SLC7A6: variants seen among roughly 807,000 people sequenced by gnomAD.
SLC7A6 encodes the protein solute carrier family 7 member 6.
SLC7A6 carries 29 observed loss-of-function variants against 46.6 expected under a neutral mutation model. The ratio of observed to expected loss-of-function variants is 0.62; its 90% CI spans 0.46 to 0.85. The LOEUF is 0.85. Ranked by LOEUF, SLC7A6 falls within the 40% of genes least tolerant of loss-of-function variation. SLC7A6 has a pLI of 0.00. For missense variants in SLC7A6, 527 were observed against 647.6 expected, an observed-to-expected ratio of 0.81 and a Z score of 2.02; for synonymous variants, 276 against 257.3, an observed-to-expected ratio of 1.07 and a Z score of -0.70.
chr16:68,276,942 C>T (rs956587514), intron 3 of SLC7A6, among the ~76,000 whole-genome samples: 3 of 151,770 alleles, frequency 2.0e-5, no homozygotes, highest in Non-Finnish European at 2.9e-5. Context: ...CTGCAGTGAG[C>T]TATGATCACG....
chr16:68,272,091 C>T (rs1178114022), intron 2 of SLC7A6, among the ~76,000 whole-genome samples: 1 of 152,200 alleles, frequency 6.6e-6, no homozygotes, highest in African/African-American at 2.4e-5. Context: ...GCGTGAGCCA[C>T]TGCGCCCAGC....
intron 7 of SLC7A6, 104 bp downstream of exon 7, chr16:68,291,765 GT>G: frequency 7.1e-5 from 38 of 531,524 alleles, no homozygotes; most frequent in Middle Eastern, 3.9e-4. Flanking sequence ...CATATAGGGT[GT>G]GTGTGTGTGT....
intron 8 of SLC7A6, 179 bp downstream of exon 8, chr16:68,294,980 A>G (rs1265596594): frequency 7.4e-6 from 4 of 540,966 alleles, no homozygotes; most frequent in Non-Finnish European, 1.3e-5. Context: ...TTTTGGATTA[A>G]TCTGGAATTT....
chr16:68,274,279 C>T (rs1386132915), intron 2 of SLC7A6, among the ~76,000 whole-genome samples: 1 of 152,154 alleles, frequency 6.6e-6, no homozygotes, highest in Non-Finnish European at 1.5e-5. Context: ...CAGTGAGAAG[C>T]CTTTTAGGCT....
chr16:68,275,743 G>C (rs1405569787), intron 3 of SLC7A6, among the ~76,000 whole-genome samples: 1 of 152,102 alleles, frequency 6.6e-6, no homozygotes, highest in South Asian at 2.1e-4. Context: ...ATGGGGATGG[G>C]AGAAGTTTGA....
rs563393758 is a variant in SLC7A6 at position 68,282,416 on chromosome 16, T to C, written c.524-5330T>C. Among the ~76,000 whole-genome samples, 38 of 151,504 alleles carry C rather than the reference T, an allele frequency of 2.5e-4. 1 individual carries two copies. The South Asian group carries it at 4.2e-3, about 17-fold the overall frequency. On this transcript the variant is annotated intron_variant, in intron 3 of 10. Coordinates refer to ENST00000219343, the MANE Select transcript of SLC7A6 (RefSeq NM_003983.6). ...AGAACTCGTCTCTTAAAAAACAAAATAAAACAAAAAACCACAAAAAAACAA... is the reference window on the plus strand; with the variant it reads ...AGAACTCGTCTCTTAAAAAACAAAACAAAACAAAAAACCACAAAAAAACAA...
chr16:68,297,443 T>C lies in SLC7A6; in HGVS notation c.*115T>C. On this transcript the variant is annotated 3_prime_UTR_variant, in exon 11 of 11. Coordinates refer to ENST00000219343, the MANE Select transcript of SLC7A6 (RefSeq NM_003983.6). ...AAAGGAGCCTTTTGACCCAATCATA[T>C]AGTGGGGCTCAGGGCCAGTGCTCAC... 2.4e-6 allele frequency: 2 copies of C among 817,208 alleles called. No individual in the cohort carries two copies. The highest frequency in any genetic ancestry group is 3.9e-6 in the Non-Finnish European group (2 of 517,398). The allele number at this position is 817,208 out of a possible 1,614,324, so 50.6% of individuals were successfully genotyped here. A position where few individuals can be genotyped will look rare whatever the true frequency, so the allele number is the denominator to read the frequency against.
chr16:68,292,312 G>GA (rs1229329420), intron 7 of SLC7A6: 1 of 152,196 alleles, frequency 6.6e-6, no homozygotes, highest in East Asian at 1.9e-4. Flanking sequence ...GAAGGAGCAG[G>GA]TGTGCCTTTC....
Position 68,300,312 on chromosome 16 carries a change from G to C in SLC7A6, c.*2984G>C, listed in dbSNP as rs1416240408. On this transcript the variant is annotated 3_prime_UTR_variant, in exon 11 of 11. Transcript: ENST00000219343. The stretch of plus-strand genomic sequence containing the variant: ...AGATAGTTCTACTGGACAATGTTAC[G>C]CTAGAATAAACACCAAGGCAGTCAG... The C allele has an allele frequency of 6.6e-6, 1 of 152,224 alleles. No individual in the cohort carries two copies. Among genetic ancestry groups the C allele is most frequent in the East Asian group, 1.9e-4 (1 of 5,200 alleles). The allele number at this position is 152,224 out of a possible 1,614,324, so 9.4% of individuals were successfully genotyped here.
intron 2 of SLC7A6, among the ~76,000 whole-genome samples, chr16:68,269,679 A>G (rs971569919): frequency 6.6e-6 from 1 of 151,668 alleles, no homozygotes; most frequent in Admixed American, 6.6e-5. Context: ...CCTCGAACCC[A>G]GGAGGTGGAG....
chr16:68,280,740 C>CT (rs56153233), intron 3 of SLC7A6, among the ~76,000 whole-genome samples: 23,218 of 145,528 alleles, frequency 0.16, 2,075 homozygotes, highest in African/African-American at 0.24. Flanking sequence ...GCTCTGGCTC[C>CT]TTTTTTTTTT....
chr16:68,286,271 C>T (rs981581432), intron 3 of SLC7A6, among the ~76,000 whole-genome samples: 1 of 151,868 alleles, frequency 6.6e-6, no homozygotes. Context: ...AGCAGGAATG[C>T]CATGTGGTTC....
intron 3 of SLC7A6, among the ~76,000 whole-genome samples, chr16:68,275,627 T>C (rs982880884): frequency 6.6e-6 from 1 of 151,154 alleles, no homozygotes; most frequent in Non-Finnish European, 1.5e-5. Flanking sequence ...AGATACTTTA[T>C]ATTTGAATAG....
intron 2 of SLC7A6, among the ~76,000 whole-genome samples, chr16:68,272,670 A>G (rs1002605889): frequency 6.6e-6 from 1 of 152,160 alleles, no homozygotes; most frequent in African/African-American, 2.4e-5. Context: ...AAACCTGATA[A>G]AGCCATATCA....
In SLC7A6 at chr16:68,274,776, C is replaced by A; in HGVS notation, c.50C>A (p.Pro17His). 1 of 1,614,212 alleles carries A rather than the reference C, an allele frequency of 6.2e-7. No individual in the cohort carries two copies. Among genetic ancestry groups the A allele is most frequent in the Non-Finnish European group, 8.5e-7 (1 of 1,180,030 alleles). ...GRPTPTYHLV[P>H]NTSQSQVEED... is the part of the protein sequence containing the mutation. Reference sequence around the variant, plus strand: ...CCCACACCCACCTACCATCTTGTCCCTAACACCAGCCAGTCCCAGGTGGAA... The same window carrying A: ...CCCACACCCACCTACCATCTTGTCCATAACACCAGCCAGTCCCAGGTGGAA... The change falls in exon 3 of 11, where the codon CCT becomes CAT. Residue 17 changes from proline (P) to histidine (H), a missense_variant. Transcript: ENST00000219343.
In SLC7A6 at chr16:68,301,387, C is replaced by A. The variant is rs200760334; in HGVS notation, c.*4059C>A. 4 of 1,614,090 alleles carry A rather than the reference C, an allele frequency of 2.5e-6. No individual in the cohort carries two copies. The highest frequency in any genetic ancestry group is 2.2e-5 in the East Asian group (1 of 44,874). ...GCTGCCTCTTTCCTCCTCACTCAGG[C>A]TGTTGTAGTCAGCAGAGCCTAGAAT... On this transcript the variant is annotated 3_prime_UTR_variant, in exon 11 of 11. Transcript: ENST00000219343.
Position 68,299,604 on chromosome 16 carries a change from T to A in SLC7A6, c.*2276T>A, listed in dbSNP as rs2043233799. 1 of 152,228 alleles carries A rather than the reference T, an allele frequency of 6.6e-6. No homozygotes were observed. Among genetic ancestry groups the A allele is most frequent in the African/African-American group, 2.4e-5 (1 of 41,444 alleles). The allele number at this position is 152,228 out of a possible 1,614,324, so 9.4% of individuals were successfully genotyped here. A position where few individuals can be genotyped will look rare whatever the true frequency, so the allele number is the denominator to read the frequency against. On this transcript the variant is annotated 3_prime_UTR_variant, in exon 11 of 11. Transcript: ENST00000219343. ...TTTGCAGTGAGTACAGTTTATTAAG[T>A]TGTCAGCCCTTTAATATTGGGGAAA...
intron 6 of SLC7A6, 94 bp from the exon 7 acceptor site, chr16:68,291,464 G>A: frequency 6.4e-7 from 1 of 1,573,666 alleles, no homozygotes; most frequent in African/African-American, 1.3e-5. Context: ...AGGGTGGGCT[G>A]CTTAGCAGTG....
chr16:68,292,623 G>C (rs2043080444), intron 7 of SLC7A6: 1 of 152,120 alleles, frequency 6.6e-6, no homozygotes. Flanking sequence ...TTAGCCTCCC[G>C]AGTAGCTGGG....
Sources: gnomAD v4.1 joint callset for allele counts (sites outside exome capture counted in the v4.1 genomes callset) on GRCh38, gnomAD v4.1.1 for gene constraint, MANE v1.5 for transcripts, NCBI Gene and HGNC (gene_info 2026-07-23, HGNC 2026-07-21) for gene names.